Variants in SCN8A observed in about 807,000 individuals in gnomAD.
SCN8A encodes sodium channel protein type 8 subunit alpha.
In SCN8A, 30 loss-of-function variants were observed where a neutral mutation model predicts 184.1. That is an observed-to-expected ratio of 0.16 (90% CI 0.12 to 0.22). The LOEUF (loss-of-function observed/expected upper bound fraction) is 0.22, where lower values mean the gene tolerates loss of function less well. Among genes scored for constraint, SCN8A ranks in the 10% least tolerant of loss-of-function variants. The pLI, the probability that SCN8A is intolerant of heterozygous loss-of-function variation, is 1.00. For synonymous variants in SCN8A, 852 were observed against 907.0 expected (o/e 0.94, Z 1.09); for missense variants, 1,057 against 2,498.9 (o/e 0.42, Z 12.30).
At position 51,770,563 on chromosome 12, in the gene SCN8A, C is replaced by T; in HGVS notation, c.3525C>T (p.Asn1175=). 6.2e-7 allele frequency: 1 copy of T among 1,612,674 alleles called. No homozygotes were observed. Among genetic ancestry groups the T allele is most frequent in the Non-Finnish European group, 8.5e-7 (1 of 1,179,258 alleles). Residue 1175 remains asparagine, a synonymous_variant, in exon 19 of 27, where the codon AAC becomes AAT. Coordinates refer to ENST00000627620, the MANE Select transcript of SCN8A (RefSeq NM_001330260.2). ...AGCGGTTCAAGTGCTGCCAGGTCAA[C>T]ATCGAGGAAGGGCTAGGCAAGTCTT... ...CVQRFKCCQV[N]IEEGLGKSWW... is the part of the protein sequence containing the mutation.
chr12:51,612,337 A>AT (rs1939739604), intron 1 of SCN8A, among the ~76,000 whole-genome samples: 2 of 152,070 alleles, frequency 1.3e-5, no homozygotes, highest in South Asian at 2.1e-4. Context: ...AATTTTTAAA[A>AT]TTTTTTTGTA....
At chr12:51,656,115 T>A (rs147411191) in intron 1 of SCN8A, among the ~76,000 whole-genome samples, 1,722 of 152,272 alleles carry the variant, frequency 0.011, 45 homozygotes, top group African/African-American at 0.039. Flanking sequence ...TTTAAGCTTG[T>A]TTTAATGGAT....
At chr12:51,744,334 A>G (rs1284284374) in intron 12 of SCN8A, among the ~76,000 whole-genome samples, 1 of 152,204 alleles carries the variant, frequency 6.6e-6, no homozygotes, top group Non-Finnish European at 1.5e-5. Context: ...GATTTGCCTG[A>G]TGTTCTATTC....
rs1942901516 is a variant in SCN8A, at chr12:51,770,064, G to GT, written c.3490+80dup. 8 of 961,042 alleles carry GT rather than the reference G, an allele frequency of 8.3e-6. No individual in the cohort carries two copies. The Admixed American group carries it at 1.7e-4, about 20-fold the overall frequency. 59.5% of individuals were successfully genotyped at this position (961,042 alleles called of 1,614,324 possible). On this transcript the variant is annotated intron_variant, in intron 18 of 26. Transcript: ENST00000627620. ...ACAGTTGTGCCAGGGCTAGTGGTGG[G>GT]TGAGGGGCAGCTCAGTGGCTATCTT...
intron 1 of SCN8A, among the ~76,000 whole-genome samples, chr12:51,611,973 T>G (rs1479591142): frequency 6.6e-6 from 1 of 152,206 alleles, no homozygotes; most frequent in Non-Finnish European, 1.5e-5. Flanking sequence ...CCATGAAAAG[T>G]GATAGTTTTA....
intron 21 of SCN8A, among the ~76,000 whole-genome samples, chr12:51,784,830 G>T (rs1938038544): frequency 6.6e-6 from 1 of 152,240 alleles, no homozygotes; most frequent in Admixed American, 6.5e-5. Flanking sequence ...GGACAGGTTA[G>T]ACTGGGTTTG....
rs113150212 is a variant in SCN8A, at chr12:51,791,838, A to G, written c.4524+1336A>G. 4.6e-3 allele frequency among the ~76,000 whole-genome samples: 707 copies of G among 152,322 alleles called. 8 individuals carry two copies. Among genetic ancestry groups the G allele is most frequent in the African/African-American group, 0.015 (620 of 41,572 alleles). On this transcript the variant is annotated intron_variant, in intron 25 of 26. Transcript: ENST00000627620. ...GACTGCAGTGAGCCATGACCGTGCC[A>G]CTGTACTCCAGCTTGGGCAATAGGG...
At chr12:51,621,940 T>A (rs1185965828) in intron 1 of SCN8A, among the ~76,000 whole-genome samples, 1 of 152,244 alleles carries the variant, frequency 6.6e-6, no homozygotes, top group Non-Finnish European at 1.5e-5. Flanking sequence ...GAATGTGCCA[T>A]GGAAGCTTTC....
At chr12:51,774,139 G>A (rs758923201) in intron 19 of SCN8A, 50 bp from the exon 20 acceptor site, 11 of 1,578,786 alleles carry the variant, frequency 7.0e-6, no homozygotes, top group Non-Finnish European at 9.5e-6. Context: ...GCTCCCTGTG[G>A]CCTGCTTGCC....
At chr12:51,759,544 T>G (rs376144586) in intron 14 of SCN8A, among the ~76,000 whole-genome samples, 1 of 152,166 alleles carries the variant, frequency 6.6e-6, no homozygotes, top group Non-Finnish European at 1.5e-5. Context: ...AATTTTTTAT[T>G]TAATATTTTT....
chr12:51,646,062 A>G (rs907215549), intron 1 of SCN8A, among the ~76,000 whole-genome samples: 2 of 151,652 alleles, frequency 1.3e-5, no homozygotes, highest in Non-Finnish European at 2.9e-5. Context: ...TTAACCCTCA[A>G]ATGAGGAAAT....
At chr12:51,780,004 G>T (rs540838335) in intron 20 of SCN8A, among the ~76,000 whole-genome samples, 2 of 136,368 alleles carry the variant, frequency 1.5e-5, no homozygotes, top group East Asian at 4.5e-4. Context: ...ACAGTTCTTG[G>T]GAACTGCAAG....
chr12:51,593,036 G>A (rs1054706269), intron 1 of SCN8A, among the ~76,000 whole-genome samples: 3 of 152,124 alleles, frequency 2.0e-5, no homozygotes, highest in Admixed American at 1.3e-4. Context: ...GGAATCTTGG[G>A]GGAATCAGAC....
chr12:51,760,748 A>G (rs1437718198), intron 14 of SCN8A, among the ~76,000 whole-genome samples: 3 of 152,158 alleles, frequency 2.0e-5, no homozygotes, highest in Non-Finnish European at 4.4e-5. Flanking sequence ...GATTTTACTT[A>G]ACTGGATCTC....
chr12:51,742,298 C>T (rs1398485329), intron 12 of SCN8A, among the ~76,000 whole-genome samples: 3 of 152,136 alleles, frequency 2.0e-5, no homozygotes, highest in Non-Finnish European at 4.4e-5. Flanking sequence ...TTTGTATCTT[C>T]AGATGATTTC....
chr12:51,767,733 A>G (rs765817193), intron 16 of SCN8A, among the ~76,000 whole-genome samples: 4 of 152,180 alleles, frequency 2.6e-5, no homozygotes, highest in Non-Finnish European at 4.4e-5. Flanking sequence ...ACTCCCTGAG[A>G]TTCTAATGCA....
intron 20 of SCN8A, among the ~76,000 whole-genome samples, 167 bp downstream of exon 20, chr12:51,774,529 A>T (rs1937629940): frequency 6.6e-6 from 1 of 152,180 alleles, no homozygotes; most frequent in South Asian, 2.1e-4. Context: ...CATATTAGGA[A>T]GGGGAACTCT....
intron 26 of SCN8A, among the ~76,000 whole-genome samples, chr12:51,795,047 G>T (rs1057510775): frequency 6.6e-6 from 1 of 152,186 alleles, no homozygotes; most frequent in African/African-American, 2.4e-5. Flanking sequence ...AAGTTCTGGT[G>T]GTGATGGCCA....
At chr12:51,713,711 A>G (rs1352940722) in intron 11 of SCN8A, 1 of 398,442 alleles carries the variant, frequency 2.5e-6, no homozygotes, top group East Asian at 3.8e-5. Flanking sequence ...AGTTGAGCCT[A>G]TTTTTTCAAA....
Sources: gnomAD v4.1 joint callset for allele counts (sites outside exome capture counted in the v4.1 genomes callset) on GRCh38, gnomAD v4.1.1 for gene constraint, MANE v1.5 for transcripts, NCBI Gene and HGNC (gene_info 2026-07-23, HGNC 2026-07-21) for gene names.